The following ANKFN1 variants were observed in gnomAD, a reference collection of about 807,000 sequenced individuals.
ANKFN1 encodes the protein ankyrin repeat and fibronectin type III domain containing 1, also known as ankyrin repeat and fibronectin type-III domain-containing protein 1.
A neutral mutation model predicts 108.7 loss-of-function variants in ANKFN1; 74 were observed. The ratio of observed to expected loss-of-function variants is 0.68; its 90% CI spans 0.56 to 0.83. The LOEUF (loss-of-function observed/expected upper bound fraction) is 0.83. Ranked by LOEUF, ANKFN1 falls within the 40% of genes least tolerant of loss-of-function variation. ANKFN1 has a pLI of 0.00. For missense variants in ANKFN1, 1,505 were observed against 1,382.3 expected, an observed-to-expected ratio of 1.09 and a Z score of -1.41; for synonymous variants, 547 against 516.2, an observed-to-expected ratio of 1.06 and a Z score of -0.81.
intron 8 of ANKFN1, among the ~76,000 whole-genome samples, chr17:56,432,834 C>T (rs2048803965): frequency 6.6e-6 from 1 of 152,058 alleles, no homozygotes; most frequent in Admixed American, 6.6e-5. Context: ...CAGGATGTTA[C>T]CTAAATTATG....
At chr17:56,405,717 G>T (rs1190140109) in intron 8 of ANKFN1, among the ~76,000 whole-genome samples, 1 of 152,098 alleles carries the variant, frequency 6.6e-6, no homozygotes, top group Non-Finnish European at 1.5e-5. Flanking sequence ...CTATAAAAAA[G>T]AATGTGGGAT....
chr17:56,433,124 A>C (rs1329926776), intron 8 of ANKFN1, among the ~76,000 whole-genome samples: 1 of 152,164 alleles, frequency 6.6e-6, no homozygotes, highest in Non-Finnish European at 1.5e-5. Flanking sequence ...ATAATAATAA[A>C]ACACACAATA....
intron 4 of ANKFN1, among the ~76,000 whole-genome samples, chr17:56,326,869 G>T (rs1345979723): frequency 6.6e-6 from 1 of 152,158 alleles, no homozygotes; most frequent in Admixed American, 6.5e-5. Flanking sequence ...TTCATCCTGG[G>T]TGAGTGTGCC....
chr17:56,422,942 G>C (rs973371601), intron 8 of ANKFN1, among the ~76,000 whole-genome samples: 2 of 152,306 alleles, frequency 1.3e-5, no homozygotes, highest in South Asian at 4.1e-4. Context: ...GCTGCCCTAG[G>C]AGGGTGAAAG....
At chr17:56,281,960 G>A (rs1156680925) in intron 3 of ANKFN1, among the ~76,000 whole-genome samples, 1 of 152,012 alleles carries the variant, frequency 6.6e-6, no homozygotes, top group Non-Finnish European at 1.5e-5. Flanking sequence ...CCCTACCTTA[G>A]GACCCAGCAA....
At chr17:56,127,747 C>A (rs978313650) in intron 4 of ANKFN1, among the ~76,000 whole-genome samples, 25 of 152,194 alleles carry the variant, frequency 1.6e-4, no homozygotes, top group Admixed American at 1.4e-3. Context: ...AAGCTCTAAT[C>A]CCTTGTAGAT....
intron 4 of ANKFN1, among the ~76,000 whole-genome samples, chr17:56,328,776 T>TA (rs11319397): frequency 0.08 from 12,013 of 150,608 alleles, 764 homozygotes; most frequent in African/African-American, 0.18. Context: ...TATGTTCCTT[T>TA]AAAAAAAAAA....
intron 14 of ANKFN1, among the ~76,000 whole-genome samples, chr17:56,461,595 T>C (rs968430268): frequency 2.0e-5 from 3 of 152,218 alleles, no homozygotes; most frequent in Non-Finnish European, 4.4e-5. Context: ...CTTTCTCTGA[T>C]CCCTTGATTA....
Position 56,123,839 on chromosome 17 carries a change from C to CAGAG in ANKFN1, c.288+77538_288+77541dup, listed in dbSNP as rs72419531. ...TGTGTGTGTGTGACAGAGAGAGACA[C>CAGAG]AGAGAGAGAGAGAGAGAGAGAGAGA... On this transcript the variant is annotated intron_variant, in intron 4 of 12. Transcript: ENST00000635860. 9.1e-3 allele frequency among the ~76,000 whole-genome samples: 1,303 copies of CAGAG among 142,510 alleles called. 17 individuals are homozygous for CAGAG. Among genetic ancestry groups the CAGAG allele is most frequent in the East Asian group, 0.068 (327 of 4,804 alleles). The allele number at this position is 142,510 out of a possible 152,430, so 93.5% of individuals were successfully genotyped here.
At chr17:56,437,023 T>A (rs534417565) in intron 8 of ANKFN1, among the ~76,000 whole-genome samples, 1 of 152,290 alleles carries the variant, frequency 6.6e-6, no homozygotes, top group African/African-American at 2.4e-5. Flanking sequence ...CAGAATAGAT[T>A]GGCCATTCTA....
At chr17:56,375,920 T>G (rs2144786395) in intron 8 of ANKFN1, among the ~76,000 whole-genome samples, 1 of 152,308 alleles carries the variant, frequency 6.6e-6, no homozygotes, top group Non-Finnish European at 1.5e-5. Context: ...GTTAAGGAAT[T>G]TGCCTAAATG....
chr17:56,407,469 A>G (rs2144970612), intron 8 of ANKFN1, among the ~76,000 whole-genome samples: 1 of 152,364 alleles, frequency 6.6e-6, no homozygotes, highest in South Asian at 2.1e-4. Context: ...TAGTAAGTGA[A>G]GAAACCAGAA....
intron 3 of ANKFN1, among the ~76,000 whole-genome samples, chr17:56,251,189 G>C (rs576818270): frequency 9.2e-5 from 14 of 152,190 alleles, no homozygotes; most frequent in African/African-American, 3.1e-4. Flanking sequence ...CCAGGAGTTC[G>C]AGACCAGCCT....
At chr17:56,483,426 G>T (rs555227509) in intron 18 of ANKFN1, among the ~76,000 whole-genome samples, 2 of 152,326 alleles carry the variant, frequency 1.3e-5, no homozygotes, top group South Asian at 4.1e-4. Flanking sequence ...CAAGGCCACT[G>T]CCTGATGTCT....
At chr17:56,155,316 G>C (rs1909000720) in intron 1 of ANKFN1, among the ~76,000 whole-genome samples, 1 of 152,136 alleles carries the variant, frequency 6.6e-6, no homozygotes, top group African/African-American at 2.4e-5. Context: ...CATTTGTTCT[G>C]ATATAGGCAA....
chr17:56,283,850 A>T (rs1047158873), intron 3 of ANKFN1, among the ~76,000 whole-genome samples: 22 of 152,110 alleles, frequency 1.4e-4, no homozygotes, highest in Admixed American at 1.0e-3. Context: ...GAACTTACTC[A>T]TGTAACCAAA....
At chr17:56,421,011 T>G (rs990427775) in intron 8 of ANKFN1, among the ~76,000 whole-genome samples, 1 of 152,154 alleles carries the variant, frequency 6.6e-6, no homozygotes, top group Non-Finnish European at 1.5e-5. Context: ...TCCGGCCGAC[T>G]CCTTCTTTTA....
At chr17:56,053,108 C>T (rs890894262) in intron 4 of ANKFN1, among the ~76,000 whole-genome samples, 4 of 151,984 alleles carry the variant, frequency 2.6e-5, no homozygotes, top group African/African-American at 7.3e-5. Context: ...TACTATGTAC[C>T]GGATACTTTT....
chr17:56,401,039 CT>C (rs1322301720), intron 8 of ANKFN1, among the ~76,000 whole-genome samples: 1 of 152,048 alleles, frequency 6.6e-6, no homozygotes, highest in Admixed American at 6.6e-5. Flanking sequence ...CAGATTTATT[CT>C]TTTTGCTTAG....
Sources: gnomAD v4.1 joint callset for allele counts (sites outside exome capture counted in the v4.1 genomes callset) on GRCh38, gnomAD v4.1.1 for gene constraint, MANE v1.5 for transcripts, NCBI Gene and HGNC (gene_info 2026-07-23, HGNC 2026-07-21) for gene names.